ASCC3: variants seen among roughly 807,000 people sequenced by gnomAD.
ASCC3 encodes activating signal cointegrator 1 complex subunit 3, also known as ASC-1 complex subunit P200.
In ASCC3, 158 loss-of-function variants were observed where a neutral mutation model predicts 256.3. The observed-to-expected ratio is 0.62, with a 90% CI of 0.54 to 0.70. The LOEUF (loss-of-function observed/expected upper bound fraction) is 0.70, where lower values mean the gene tolerates loss of function less well. Among genes scored for constraint, ASCC3 ranks in the 30% least tolerant of loss-of-function variants. The pLI is 0.00. For synonymous variants in ASCC3, 948 were observed against 883.4 expected (o/e 1.07, Z -1.30); for missense variants, 2,259 against 2,626.0 (o/e 0.86, Z 3.05).
chr6:100,829,893 G>A (rs1015649015), intron 4 of ASCC3, among the ~76,000 whole-genome samples: 3 of 152,066 alleles, frequency 2.0e-5, no homozygotes, highest in Non-Finnish European at 4.4e-5. Flanking sequence ...TTATTAAGTA[G>A]AATAAGGGTT....
chr6:100,734,302 T>C (rs573609808), intron 10 of ASCC3, among the ~76,000 whole-genome samples: 2 of 152,314 alleles, frequency 1.3e-5, no homozygotes, highest in South Asian at 4.1e-4. Context: ...TCCTTAAATA[T>C]AACTAATTTA....
intron 40 of ASCC3, chr6:100,510,373 A>T (rs906434217): frequency 1.3e-5 from 5 of 389,104 alleles, no homozygotes; most frequent in Non-Finnish European, 1.9e-5. Flanking sequence ...AGAATAAAAA[A>T]CTCTGGATCT....
At chr6:100,840,097 G>T (rs905221869) in intron 4 of ASCC3, among the ~76,000 whole-genome samples, 2 of 152,070 alleles carry the variant, frequency 1.3e-5, no homozygotes, top group African/African-American at 4.8e-5. Flanking sequence ...ACCTAAAATA[G>T]CAGACAATGT....
chr6:100,807,802 A>T (rs1180819817), intron 4 of ASCC3, among the ~76,000 whole-genome samples: 4 of 148,226 alleles, frequency 2.7e-5, no homozygotes, highest in Non-Finnish European at 5.9e-5. Flanking sequence ...CAAAAGGGGA[A>T]GTATGTATAA....
chr6:100,826,711 A>G (rs1310375206), intron 4 of ASCC3, among the ~76,000 whole-genome samples: 1 of 152,168 alleles, frequency 6.6e-6, no homozygotes, highest in Admixed American at 6.5e-5. Context: ...CAACATTCAG[A>G]GTAAGGTTTT....
intron 17 of ASCC3, among the ~76,000 whole-genome samples, chr6:100,653,508 C>T (rs1010538659): frequency 4.6e-5 from 7 of 151,466 alleles, no homozygotes; most frequent in African/African-American, 9.7e-5. Context: ...TATGGTGGTG[C>T]GCGCCTGTAA....
intron 2 of ASCC3, among the ~76,000 whole-genome samples, chr6:100,867,057 T>A (rs1773515665): frequency 6.6e-6 from 1 of 152,190 alleles, no homozygotes; most frequent in African/African-American, 2.4e-5. Context: ...TCAGAAGAAA[T>A]TACTTGCCAA....
intron 30 of ASCC3, among the ~76,000 whole-genome samples, chr6:100,623,402 G>C (rs1312045284): frequency 2.6e-5 from 4 of 152,058 alleles, no homozygotes; most frequent in African/African-American, 9.7e-5. Flanking sequence ...GTCATCTATA[G>C]AACTAAGCAA....
At chr6:100,759,376 T>A (rs1037475647) in intron 10 of ASCC3, among the ~76,000 whole-genome samples, 6 of 152,174 alleles carry the variant, frequency 3.9e-5, no homozygotes. Context: ...TTTTGGGTTT[T>A]AAATTCAAAT....
chr6:100,778,579 C>T (rs536467661), intron 8 of ASCC3, among the ~76,000 whole-genome samples: 5 of 152,130 alleles, frequency 3.3e-5, no homozygotes, highest in African/African-American at 1.2e-4. Flanking sequence ...TTGTAATATA[C>T]TACTTACACT....
rs1162256902 is a variant in ASCC3 at position 100,805,884 on chromosome 6, A to T, written c.802-4T>A. 1 of 1,609,860 alleles carries T rather than the reference A, an allele frequency of 6.2e-7. No homozygotes were observed. The highest frequency in any genetic ancestry group is 8.5e-7 in the Non-Finnish European group (1 of 1,178,028). ...CAGGTCCCAGCAGTTCAAATAGCTT[A>T]TAAAAAGAGAAAAAAGTAACAAACA... is the stretch of plus-strand genomic sequence containing the variant. On this transcript the variant is annotated splice_region_variant and splice_polypyrimidine_tract_variant and intron_variant, in intron 4 of 41. Coordinates refer to ENST00000369162, the MANE Select transcript of ASCC3 (RefSeq NM_006828.4).
chr6:100,786,866 T>C (rs570758198), intron 8 of ASCC3, among the ~76,000 whole-genome samples: 1 of 152,274 alleles, frequency 6.6e-6, no homozygotes, highest in South Asian at 2.1e-4. Flanking sequence ...AGGGATGAAA[T>C]TGAGTCTTAA....
At chr6:100,854,767 A>G (rs1772857992) in intron 3 of ASCC3, among the ~76,000 whole-genome samples, 1 of 152,236 alleles carries the variant, frequency 6.6e-6, no homozygotes, top group South Asian at 2.1e-4. Context: ...AGTTTGAATT[A>G]GACTTCATAT....
intron 34 of ASCC3, among the ~76,000 whole-genome samples, chr6:100,594,192 A>G (rs1253933565): frequency 6.6e-6 from 1 of 152,070 alleles, no homozygotes; most frequent in East Asian, 1.9e-4. Flanking sequence ...CCTATATATA[A>G]CTATATTATA....
At chr6:100,664,988 T>C (rs1039914844) in intron 14 of ASCC3, among the ~76,000 whole-genome samples, 10 of 152,216 alleles carry the variant, frequency 6.6e-5, no homozygotes, top group Admixed American at 4.6e-4. Context: ...TTCTTACAAA[T>C]AGATTCCTTA....
intron 26 of ASCC3, 82 bp from the exon 27 acceptor site, chr6:100,629,263 A>C (rs1315150832): frequency 7.5e-7 from 1 of 1,327,634 alleles, no homozygotes; most frequent in East Asian, 2.5e-5. Flanking sequence ...TCTCTTTTAA[A>C]ATAAAATTTT....
At chr6:100,675,572 C>A (rs1466164051) in intron 14 of ASCC3, among the ~76,000 whole-genome samples, 1 of 151,900 alleles carries the variant, frequency 6.6e-6, no homozygotes, top group South Asian at 2.1e-4. Flanking sequence ...AAATGATTGA[C>A]AGATCTACAT....
At chr6:100,667,367 G>T (rs1776530218) in intron 14 of ASCC3, among the ~76,000 whole-genome samples, 1 of 152,044 alleles carries the variant, frequency 6.6e-6, no homozygotes, top group Non-Finnish European at 1.5e-5. Context: ...AGAGGGTGTG[G>T]GGCAAAAATT....
Position 100,589,502 on chromosome 6 carries a change from G to T in ASCC3, c.5550+132C>A. 1.9e-6 allele frequency: 2 copies of T among 1,030,658 alleles called. 1 individual carries two copies. Among genetic ancestry groups the T allele is most frequent in the South Asian group, 3.0e-5 (2 of 66,662 alleles). 63.8% of individuals were successfully genotyped at this position (1,030,658 alleles called of 1,614,324 possible). ...ATGGGTATCTTAGTCTAGATGTGTT[G>T]CTTTGTAGTGACCTTGTTTGACAGA... On this transcript the variant is annotated intron_variant, in intron 36 of 41. Coordinates refer to ENST00000369162, the MANE Select transcript of ASCC3 (RefSeq NM_006828.4).
Sources: gnomAD v4.1 joint callset for allele counts (sites outside exome capture counted in the v4.1 genomes callset) on GRCh38, gnomAD v4.1.1 for gene constraint, MANE v1.5 for transcripts, NCBI Gene and HGNC (gene_info 2026-07-23, HGNC 2026-07-21) for gene names.